The following DR1 variants were observed in gnomAD, a reference collection of about 807,000 sequenced individuals.
The protein encoded by DR1 is protein Dr1.
DR1 carries 7 observed loss-of-function variants against 19.9 expected under a neutral mutation model. The ratio of observed to expected loss-of-function variants is 0.35; its 90% CI spans 0.20 to 0.66. The LOEUF (loss-of-function observed/expected upper bound fraction) is 0.66, where lower values mean the gene tolerates loss of function less well. Ranked by LOEUF, DR1 falls within the 30% of genes least tolerant of loss-of-function variation. The pLI, the probability that DR1 is intolerant of heterozygous loss-of-function variation, is 0.66. For missense variants in DR1, 98 were observed against 203.7 expected, an observed-to-expected ratio of 0.48 and a Z score of 3.16; for synonymous variants, 76 against 72.5, an observed-to-expected ratio of 1.05 and a Z score of -0.24.
chr1:93,352,968 C>T (rs1447617880), intron 1 of DR1, among the ~76,000 whole-genome samples: 8 of 149,946 alleles, frequency 5.3e-5, no homozygotes, highest in East Asian at 1.9e-4. Context: ...AGTCATGGCT[C>T]GTGACATCCT....
rs1363211877 is a variant in DR1 at position 93,346,584 on chromosome 1, G to A, written c.-62G>A. 3 of 1,394,552 alleles carry A rather than the reference G, an allele frequency of 2.2e-6. No individual in the cohort carries two copies. In the African/African-American group the frequency reaches 4.3e-5, roughly 20 times the overall value. The allele number at this position is 1,394,552 out of a possible 1,614,324, so 86.4% of individuals were successfully genotyped here. A position where few individuals can be genotyped will look rare whatever the true frequency, so the allele number is the denominator to read the frequency against. On this transcript the variant is annotated 5_prime_UTR_variant, in exon 1 of 3. Transcript: ENST00000370272. ...GGGCGACTTTTTGAGAAATCTCGGTGGAGTAGTGGACCAGAGCTGGGGAGT... is the reference window on the plus strand; with the variant it reads ...GGGCGACTTTTTGAGAAATCTCGGTAGAGTAGTGGACCAGAGCTGGGGAGT...
Position 93,346,573 on chromosome 1 carries a change from GA to G in DR1, c.-70del. 1 of 1,340,374 alleles carries G rather than the reference GA, an allele frequency of 7.5e-7. No individual in the cohort carries two copies. Among genetic ancestry groups the G allele is most frequent in the South Asian group, 1.2e-5 (1 of 81,548 alleles). The allele number at this position is 1,340,374 out of a possible 1,614,324, so 83.0% of individuals were successfully genotyped here. A position where few individuals can be genotyped will look rare whatever the true frequency, so the allele number is the denominator to read the frequency against. ...TCACTCTCCGAGGGCGACTTTTTGA[GA>G]AATCTCGGTGGAGTAGTGGACCAGA... is the stretch of plus-strand genomic sequence containing the variant. On this transcript the variant is annotated 5_prime_UTR_variant, in exon 1 of 3. Coordinates refer to ENST00000370272, the MANE Select transcript of DR1 (RefSeq NM_001938.3).
chr1:93,368,317 A>G lies in DR1; in HGVS notation c.*7678A>G, dbSNP rs1438106407. The G allele has an allele frequency of 1.3e-5, 2 of 152,218 alleles. No individual in the cohort carries two copies. The highest frequency in any genetic ancestry group is 6.5e-5 in the Admixed American group (1 of 15,286). 9.4% of individuals were successfully genotyped at this position (152,218 alleles called of 1,614,324 possible). A position where few individuals can be genotyped will look rare whatever the true frequency, so the allele number is the denominator to read the frequency against. On this transcript the variant is annotated 3_prime_UTR_variant, in exon 3 of 3. Coordinates refer to ENST00000370272, the MANE Select transcript of DR1 (RefSeq NM_001938.3). ...TTAACTTTATGTTTCTTGCCTTTGT[A>G]TATTTTATATGAATAGCACTTGTCA... is the stretch of plus-strand genomic sequence containing the variant.
At chr1:93,356,628 A>G (rs186998927) in intron 2 of DR1, among the ~76,000 whole-genome samples, 1 of 152,146 alleles carries the variant, frequency 6.6e-6, no homozygotes, top group Non-Finnish European at 1.5e-5. Context: ...AATTATACCA[A>G]CTTGTAGTTG....
chr1:93,357,841 A>G (rs1667008047), intron 2 of DR1, among the ~76,000 whole-genome samples: 1 of 152,174 alleles, frequency 6.6e-6, no homozygotes, highest in African/African-American at 2.4e-5. Context: ...ATTTCAAGTC[A>G]GAATTCAATT....
At position 93,363,172 on chromosome 1, in the gene DR1, C is replaced by A. The variant is rs898602127; in HGVS notation, c.*2533C>A. 39 of 152,214 alleles carry A rather than the reference C, an allele frequency of 2.6e-4. No homozygotes were observed. The highest frequency in any genetic ancestry group is 8.4e-4 in the African/African-American group (35 of 41,558). 9.4% of individuals were successfully genotyped at this position (152,214 alleles called of 1,614,324 possible). ...GCATTATGTGTACCCCAGAAGCCCT[C>A]CTCTTTCCCCATCTTAACACTGTCT... On this transcript the variant is annotated 3_prime_UTR_variant, in exon 3 of 3. Coordinates refer to ENST00000370272, the MANE Select transcript of DR1 (RefSeq NM_001938.3).
chr1:93,347,355 G>A (rs904738785), intron 1 of DR1, among the ~76,000 whole-genome samples: 6 of 152,182 alleles, frequency 3.9e-5, no homozygotes, highest in Non-Finnish European at 1.5e-5. Flanking sequence ...CATACAATGT[G>A]TTCAACGTTG....
Position 93,367,360 on chromosome 1 carries a change from C to T in DR1, c.*6721C>T, listed in dbSNP as rs1453005644. On this transcript the variant is annotated 3_prime_UTR_variant, in exon 3 of 3. Transcript: ENST00000370272. ...CTTTCATACTGCATCATTTATTGTG[C>T]ATTTGTATGATTATTATATACTTTA... 3 of 152,068 alleles carry T rather than the reference C, an allele frequency of 2.0e-5. No homozygotes were observed. Among genetic ancestry groups the T allele is most frequent in the Non-Finnish European group, 4.4e-5 (3 of 68,028 alleles). The allele number at this position is 152,068 out of a possible 1,614,324, so 9.4% of individuals were successfully genotyped here.
At chr1:93,359,148 T>A (rs577954560) in intron 2 of DR1, among the ~76,000 whole-genome samples, 44 of 152,248 alleles carry the variant, frequency 2.9e-4, no homozygotes, top group South Asian at 1.9e-3. Context: ...TGATTTTTTT[T>A]AAAAAAATGA....
intron 1 of DR1, among the ~76,000 whole-genome samples, chr1:93,350,633 G>T (rs1007629743): frequency 3.9e-5 from 6 of 152,004 alleles, no homozygotes; most frequent in Non-Finnish European, 7.4e-5. Context: ...TTGCTTCAAA[G>T]AAATTTTTAC....
intron 1 of DR1, among the ~76,000 whole-genome samples, chr1:93,350,167 C>T (rs1010139689): frequency 5.9e-5 from 9 of 152,144 alleles, no homozygotes; most frequent in Non-Finnish European, 1.0e-4. Flanking sequence ...TGCCACCCCA[C>T]AATTACTTAT....
In DR1 at chr1:93,364,851, C is replaced by CTTTCTT; in HGVS notation, c.*4215_*4216insCTTTTT. 1 of 100,640 alleles carries CTTTCTT rather than the reference C, an allele frequency of 9.9e-6. No individual in the cohort carries two copies. The highest frequency in any genetic ancestry group is 1.8e-5 in the Non-Finnish European group (1 of 55,328). 6.2% of individuals were successfully genotyped at this position (100,640 alleles called of 1,614,324 possible). On this transcript the variant is annotated 3_prime_UTR_variant, in exon 3 of 3. Coordinates refer to ENST00000370272, the MANE Select transcript of DR1 (RefSeq NM_001938.3). ...TTTTCTTTTTTCTTTTCTTTTCTTT[C>CTTTCTT]TTTTTTTTTTTTTTTTTTTTGAGAC...
In DR1 at chr1:93,361,566, TGA is replaced by T. The variant is rs1213261051; in HGVS notation, c.*933_*934del. 6.6e-6 allele frequency: 1 copy of T among 152,544 alleles called. No individual in the cohort carries two copies. Among genetic ancestry groups the T allele is most frequent in the Non-Finnish European group, 1.5e-5 (1 of 67,960 alleles). The allele number at this position is 152,544 out of a possible 1,614,324, so 9.4% of individuals were successfully genotyped here. On this transcript the variant is annotated 3_prime_UTR_variant, in exon 3 of 3. Transcript: ENST00000370272. ...TGAAAGTTAATGAGCATGCTTGCTA[TGA>T]GAGAGGGATTTTTAATTTAACTTGT...
intron 2 of DR1, among the ~76,000 whole-genome samples, chr1:93,354,564 A>G (rs1467165547): frequency 6.6e-6 from 1 of 152,196 alleles, no homozygotes; most frequent in Non-Finnish European, 1.5e-5. Flanking sequence ...TAATTCTAAT[A>G]TCTAGACTCT....
chr1:93,346,954 C>A, intron 1 of DR1, 89 bp downstream of exon 1: 1 of 1,170,290 alleles, frequency 8.5e-7, no homozygotes, highest in Non-Finnish European at 1.2e-6. Context: ...GCCTCCATTC[C>A]TCTTCCCTGG....
intron 2 of DR1, among the ~76,000 whole-genome samples, chr1:93,360,058 A>G (rs1466854604): frequency 6.6e-6 from 1 of 152,160 alleles, no homozygotes; most frequent in Non-Finnish European, 1.5e-5. Context: ...AAACCATATA[A>G]ATAAATTTTA....
intron 2 of DR1, among the ~76,000 whole-genome samples, chr1:93,356,960 G>C (rs370650024): frequency 5.3e-4 from 81 of 152,216 alleles, no homozygotes; most frequent in South Asian, 2.3e-3. Context: ...AACCTCAGGC[G>C]ATCCGCCCAC....
chr1:93,355,778 A>C (rs987580238), intron 2 of DR1: 7 of 152,198 alleles, frequency 4.6e-5, no homozygotes, highest in African/African-American at 1.7e-4. Flanking sequence ...GCGGAGAGGT[A>C]ATATTATAGC....
chr1:93,349,612 C>T (rs1666893176), intron 1 of DR1, among the ~76,000 whole-genome samples: 1 of 151,952 alleles, frequency 6.6e-6, no homozygotes, highest in South Asian at 2.1e-4. Flanking sequence ...AAATATCTCC[C>T]CTCACATTTA....
Sources: gnomAD v4.1 joint callset for allele counts (sites outside exome capture counted in the v4.1 genomes callset) on GRCh38, gnomAD v4.1.1 for gene constraint, MANE v1.5 for transcripts, NCBI Gene and HGNC (gene_info 2026-07-23, HGNC 2026-07-21) for gene names.